STK40: variants seen among roughly 807,000 people sequenced by gnomAD.
STK40 encodes serine/threonine-protein kinase 40.
Under a neutral mutation model 47.9 loss-of-function variants are expected in STK40, and 13 were observed. That is an observed-to-expected ratio of 0.27 (90% CI 0.18 to 0.43). The LOEUF is 0.43. Ranked by LOEUF, STK40 falls within the 20% of genes least tolerant of loss-of-function variation. STK40 has a pLI of 1.00. For missense variants in STK40, 460 were observed against 595.1 expected (o/e 0.77, Z 2.36); for synonymous variants, 225 against 243.2 (o/e 0.93, Z 0.69).
At chr1:36,344,327 G>C (rs1646681109) in intron 7 of STK40, 63 bp from the exon 8 acceptor site, 2 of 1,512,582 alleles carry the variant, frequency 1.3e-6, no homozygotes, top group East Asian at 2.3e-5. Flanking sequence ...CACCAGCCTG[G>C]AATCCCACCT....
rs769911895 is a variant in STK40 at position 36,358,721 on chromosome 1, C to A, written c.198+16G>T. 1.2e-6 allele frequency: 2 copies of A among 1,613,782 alleles called. No homozygotes were observed. The highest frequency in any genetic ancestry group is 1.7e-6 in the Non-Finnish European group (2 of 1,179,750). ...GCCCTGTTCCTGAGGCACCCTCACC[C>A]CCATGTCTCACTTACCTTCAGCTGA... is the stretch of plus-strand genomic sequence containing the variant. On this transcript the variant is annotated intron_variant, in intron 3 of 10. Transcript: ENST00000373132.
intron 6 of STK40, 122 bp from the exon 7 acceptor site, chr1:36,348,937 G>A (rs187374824): frequency 1.7e-4 from 138 of 831,600 alleles, no homozygotes; most frequent in Non-Finnish European, 2.4e-4. Context: ...TAGGCTTCTC[G>A]TCAGAGGGTG....
At chr1:36,380,647 C>T (rs953928909) in intron 1 of STK40, among the ~76,000 whole-genome samples, 7 of 152,198 alleles carry the variant, frequency 4.6e-5, no homozygotes, top group African/African-American at 1.7e-4. Context: ...TATGCTGAAT[C>T]GGGGTGGATA....
chr1:36,348,503 A>G (rs1256591027), intron 7 of STK40, among the ~76,000 whole-genome samples, 197 bp downstream of exon 7: 6 of 152,192 alleles, frequency 3.9e-5, no homozygotes, highest in African/African-American at 1.4e-4. Context: ...GAGGAATTAA[A>G]CATGCATTCA....
chr1:36,341,924 C>T lies in STK40; in HGVS notation c.1139G>A (p.Arg380His), dbSNP rs778434947. The T allele has an allele frequency of 3.7e-6, 6 of 1,613,936 alleles. No homozygotes were observed. Among genetic ancestry groups the T allele is most frequent in the South Asian group, 3.3e-5 (3 of 91,080 alleles). The change falls in exon 11 of 11, where the codon CGT (arginine) becomes CAT (histidine). Residue 380 changes from arginine (R) to histidine (H), a missense_variant. Physicochemically the swap from Arg to His is conservative, Grantham distance 29. Transcript: ENST00000373132. The stretch of plus-strand genomic sequence containing the variant: ...CTCCTCGGCCAGCAGCAGCTGCTGA[C>T]GCATGTAGTTCTCAAACTCGTACTG... ...CSQYEFENYM[R>H]QQLLLAEEKS...
chr1:36,377,350 T>G (rs1646999911), intron 1 of STK40, among the ~76,000 whole-genome samples: 2 of 151,042 alleles, frequency 1.3e-5, no homozygotes, highest in Admixed American at 1.3e-4. Context: ...CTGGCCAACA[T>G]GGTAAAACCC....
At chr1:36,368,673 A>G (rs960227138) in intron 1 of STK40, among the ~76,000 whole-genome samples, 4 of 152,266 alleles carry the variant, frequency 2.6e-5, no homozygotes, top group African/African-American at 9.6e-5. Flanking sequence ...AGACAGTTAA[A>G]GAAAAGCTGA....
intron 1 of STK40, among the ~76,000 whole-genome samples, chr1:36,371,389 C>T (rs1031131463): frequency 5.3e-5 from 8 of 150,108 alleles, no homozygotes; most frequent in African/African-American, 2.0e-4. Context: ...CCCGCTTCTA[C>T]TAAAAATACA....
chr1:36,358,147 G>A (rs935666907), intron 4 of STK40, 92 bp downstream of exon 4: 128 of 1,433,346 alleles, frequency 8.9e-5, no homozygotes, highest in Non-Finnish European at 1.1e-4. Context: ...CAAGGGTCAC[G>A]TGAGCTGCTC....
At chr1:36,361,474 G>T in intron 1 of STK40, 134 bp from the exon 2 acceptor site, 1 of 1,465,114 alleles carries the variant, frequency 6.8e-7, no homozygotes, top group South Asian at 1.4e-5. Flanking sequence ...CTGCTACCAG[G>T]GGAGCATCCA....
At chr1:36,375,337 T>C (rs912201580) in intron 1 of STK40, among the ~76,000 whole-genome samples, 3 of 152,052 alleles carry the variant, frequency 2.0e-5, no homozygotes, top group African/African-American at 7.2e-5. Flanking sequence ...TGAAACCCCA[T>C]TTCTACTAAA....
intron 1 of STK40, among the ~76,000 whole-genome samples, chr1:36,372,020 T>C (rs1011000670): frequency 6.6e-6 from 1 of 151,924 alleles, no homozygotes; most frequent in African/African-American, 2.4e-5. Context: ...AAGAAAAAAA[T>C]GTCTGTACAT....
At chr1:36,357,448 C>T (rs1248141826) in intron 4 of STK40, among the ~76,000 whole-genome samples, 1 of 152,234 alleles carries the variant, frequency 6.6e-6, no homozygotes, top group Non-Finnish European at 1.5e-5. Flanking sequence ...CTGAACCCAA[C>T]TCTTCATTTC....
At chr1:36,349,673 G>A (rs976423047) in intron 6 of STK40, among the ~76,000 whole-genome samples, 5 of 152,304 alleles carry the variant, frequency 3.3e-5, no homozygotes, top group African/African-American at 1.2e-4. Context: ...GCGTGGGGCA[G>A]GGCAGCTTTG....
intron 6 of STK40, among the ~76,000 whole-genome samples, chr1:36,350,374 A>G (rs1390989323): frequency 6.6e-6 from 1 of 152,182 alleles, no homozygotes; most frequent in Non-Finnish European, 1.5e-5. Flanking sequence ...TCCCCTGGTC[A>G]GAGATGGCCG....
At chr1:36,348,583 G>A in intron 7 of STK40, 117 bp downstream of exon 7, 1 of 838,390 alleles carries the variant, frequency 1.2e-6, no homozygotes, top group Non-Finnish European at 2.0e-6. Context: ...ACTGGTCTGG[G>A]CCCCCAGTGA....
intron 2 of STK40, among the ~76,000 whole-genome samples, chr1:36,359,439 C>T (rs1288812295): frequency 6.6e-6 from 1 of 152,122 alleles, no homozygotes; most frequent in African/African-American, 2.4e-5. Context: ...GATCCTGGAT[C>T]CCCTGAAGAG....
rs1021401724 is a variant in STK40, at chr1:36,384,070, C to T, written c.-9+1653G>A. Among the ~76,000 whole-genome samples the T allele has an allele frequency of 2.7e-5, 4 of 148,086 alleles. No individual in the cohort carries two copies. In the East Asian group the frequency reaches 5.9e-4, roughly 22 times the overall value. On this transcript the variant is annotated intron_variant, in intron 1 of 10. Transcript: ENST00000373132. Reference sequence around the variant, plus strand: ...TTTGAGACAGAGTCTCACTCTGTTACTCAGGCTGGAGTGCACTGGCTTGAT... The same window carrying T: ...TTTGAGACAGAGTCTCACTCTGTTATTCAGGCTGGAGTGCACTGGCTTGAT...
At chr1:36,351,732 A>G (rs1311228353) in intron 6 of STK40, among the ~76,000 whole-genome samples, 1 of 152,072 alleles carries the variant, frequency 6.6e-6, no homozygotes, top group Non-Finnish European at 1.5e-5. Flanking sequence ...CCTCGACTAC[A>G]CTCCCAGGAC....
Sources: gnomAD v4.1 joint callset for allele counts (sites outside exome capture counted in the v4.1 genomes callset) on GRCh38, gnomAD v4.1.1 for gene constraint, MANE v1.5 for transcripts, NCBI Gene and HGNC (gene_info 2026-07-23, HGNC 2026-07-21) for gene names.